The following TASP1 variants were observed in gnomAD, a reference collection of about 807,000 sequenced individuals.
TASP1 encodes the protein taspase 1.
Under a neutral mutation model 56.6 loss-of-function variants are expected in TASP1, and 16 were observed. The ratio of observed to expected loss-of-function variants is 0.28; its 90% CI spans 0.19 to 0.43. The LOEUF is 0.43. TASP1 is among the 20% of genes least tolerant of loss of function. The probability of loss-of-function intolerance (pLI) is 1.00; values close to 1 mark genes in which losing one functional copy is unlikely to be tolerated. For missense variants in TASP1, 393 were observed against 511.6 expected (o/e 0.77, Z 2.24); for synonymous variants, 179 against 184.2 (o/e 0.97, Z 0.23).
At chr20:13,123,503 T>A in the TASP1 span, among the ~76,000 whole-genome samples, 3 of 152,310 alleles carry the variant, frequency 2.0e-5, no homozygotes, top group African/African-American at 7.2e-5. Context: ...AGAGATTTAG[T>A]AACTGGCCCA....
chr20:13,285,311 A>G, the TASP1 span, among the ~76,000 whole-genome samples: 1 of 142,400 alleles, frequency 7.0e-6, no homozygotes, highest in Middle Eastern at 3.5e-3. Context: ...ATAAAAAAGA[A>G]AGGAAAAAAA....
intron 4 of TASP1, chr20:13,614,645 T>C (rs1045049275): frequency 2.9e-6 from 1 of 339,448 alleles, no homozygotes; most frequent in South Asian, 2.6e-5. Context: ...TACAACATAA[T>C]TAAGCAGAAA....
At chr20:13,117,473 TGTTA>T in the TASP1 span, 2 of 1,533,896 alleles carry the variant, frequency 1.3e-6, no homozygotes, top group Non-Finnish European at 1.8e-6. Context: ...GGAGGGTATT[TGTTA>T]GTTATGAGCA....
chr20:13,194,113 TTTC>T, the TASP1 span, among the ~76,000 whole-genome samples: 1 of 152,192 alleles, frequency 6.6e-6, no homozygotes, highest in Non-Finnish European at 1.5e-5. Flanking sequence ...AGTTTTGTTT[TTTC>T]TTCTTTTGTT....
chr20:13,392,840 C>G (rs1164555608), intron 13 of TASP1: 1 of 664,386 alleles, frequency 1.5e-6, no homozygotes, highest in Admixed American at 1.8e-5. Context: ...CATGGCAAAT[C>G]CCATGGCACC....
chr20:13,515,979 A>C lies in TASP1; in HGVS notation c.874+12454T>G, dbSNP rs566518451. Among the ~76,000 whole-genome samples the C allele has an allele frequency of 5.3e-5, 8 of 152,286 alleles. No individual in the cohort carries two copies. The East Asian group carries it at 1.5e-3, about 29-fold the overall frequency. ...TATGTTAAACAGAACTATGGAATTT[A>C]AACATTCGTATGCTCAACCAAACCC... On this transcript the variant is annotated intron_variant, in intron 10 of 13. Coordinates refer to ENST00000337743, the MANE Select transcript of TASP1 (RefSeq NM_017714.3).
At chr20:13,593,263 C>T (rs2047602002) in intron 4 of TASP1, among the ~76,000 whole-genome samples, 1 of 152,152 alleles carries the variant, frequency 6.6e-6, no homozygotes, top group Non-Finnish European at 1.5e-5. Context: ...ATAGGAACAG[C>T]TCCGGTCTGC....
intron 13 of TASP1, among the ~76,000 whole-genome samples, chr20:13,394,755 G>A (rs186014629): frequency 5.3e-5 from 8 of 152,188 alleles, no homozygotes; most frequent in East Asian, 3.9e-4. Context: ...TCCACTGGCC[G>A]TGTAGTTATA....
At chr20:13,614,418 G>GTC (rs1600169557) in intron 4 of TASP1, among the ~76,000 whole-genome samples, 1 of 151,796 alleles carries the variant, frequency 6.6e-6, no homozygotes, top group African/African-American at 2.4e-5. Context: ...TTCTGGAAAT[G>GTC]TCAGAAAAAA....
the TASP1 span, among the ~76,000 whole-genome samples, chr20:13,371,003 C>T: frequency 1.3e-5 from 2 of 152,050 alleles, no homozygotes; most frequent in African/African-American, 4.8e-5. Flanking sequence ...TCTGTAAGGT[C>T]AAGCAGTATC....
the TASP1 span, among the ~76,000 whole-genome samples, chr20:13,312,592 C>T: frequency 6.6e-6 from 1 of 152,160 alleles, no homozygotes; most frequent in African/African-American, 2.4e-5. Flanking sequence ...GAGTCGCAGC[C>T]TGCTGAATCA....
chr20:13,519,282 G>A (rs866103369), intron 10 of TASP1, among the ~76,000 whole-genome samples: 3 of 151,950 alleles, frequency 2.0e-5, no homozygotes, highest in Admixed American at 6.6e-5. Context: ...AGTATCATGC[G>A]ATATATTCAT....
chr20:13,464,709 T>C (rs781655029), intron 11 of TASP1, among the ~76,000 whole-genome samples: 15 of 152,010 alleles, frequency 9.9e-5, no homozygotes, highest in Non-Finnish European at 1.9e-4. Context: ...GCCAAATTCA[T>C]TAGGATAAAA....
At chr20:13,266,570 C>T in the TASP1 span, among the ~76,000 whole-genome samples, 4 of 151,992 alleles carry the variant, frequency 2.6e-5, no homozygotes, top group African/African-American at 9.7e-5. Context: ...AACTCATTGT[C>T]GATGTTAACT....
chr20:13,392,266 C>T (rs185862849), intron 13 of TASP1, among the ~76,000 whole-genome samples: 26 of 152,220 alleles, frequency 1.7e-4, no homozygotes, highest in African/African-American at 6.3e-4. Flanking sequence ...GGGTCATCTC[C>T]CTCCACTCCT....
chr20:13,587,365 A>T lies in TASP1; in HGVS notation c.288T>A (p.Ser96=), dbSNP rs1404517699. 2 of 1,602,316 alleles carry T rather than the reference A, an allele frequency of 1.2e-6. No homozygotes were observed. Among genetic ancestry groups the T allele is most frequent in the Admixed American group, 3.5e-5 (2 of 57,030 alleles). Residue 96 remains serine (S), a synonymous_variant, in exon 5 of 14, where the codon TCT becomes TCA. Transcript: ENST00000337743. ...ATCCCATTCCTGCATTTGTAAAAGG[A>T]GAATCCTAAAAGACAAAAACAAAAA... The part of the protein sequence containing the change: ...VTAALVELED[S]PFTNAGMGSN...
At chr20:13,268,765 C>T in the TASP1 span, among the ~76,000 whole-genome samples, 12 of 152,128 alleles carry the variant, frequency 7.9e-5, no homozygotes, top group Admixed American at 3.3e-4. Flanking sequence ...AAAATCCATT[C>T]GCAGCTGGGC....
the TASP1 span, among the ~76,000 whole-genome samples, chr20:13,309,214 T>C: frequency 6.6e-6 from 1 of 151,672 alleles, no homozygotes; most frequent in Admixed American, 6.6e-5. Flanking sequence ...TTCAAGACAA[T>C]AGTTACCTCT....
the TASP1 span, among the ~76,000 whole-genome samples, chr20:13,358,226 G>A: frequency 9.2e-5 from 14 of 151,956 alleles, no homozygotes; most frequent in East Asian, 3.9e-4. Context: ...ATCTCCCTTC[G>A]CTGACTTTCT....
Sources: allele counts gnomAD v4.1 joint callset (sites outside exome capture counted in the v4.1 genomes callset), GRCh38; gene constraint gnomAD v4.1.1; transcripts MANE v1.5; gene names NCBI Gene and HGNC (gene_info 2026-07-23, HGNC 2026-07-21).